The following SNTG1 variants were observed in gnomAD, a reference collection of about 807,000 sequenced individuals.
SNTG1 encodes the protein gamma-1-syntrophin.
SNTG1 carries 39 observed loss-of-function variants against 74.7 expected under a neutral mutation model. The observed-to-expected ratio is 0.52, with a 90% CI of 0.40 to 0.68. SNTG1 has a LOEUF of 0.68. Ranked by LOEUF, SNTG1 falls within the 30% of genes least tolerant of loss-of-function variation. The pLI, the probability that SNTG1 is intolerant of heterozygous loss-of-function variation, is 0.00. For synonymous variants in SNTG1, 254 were observed against 217.1 expected, an observed-to-expected ratio of 1.17 and a Z score of -1.49; for missense variants, 685 against 609.5, an observed-to-expected ratio of 1.12 and a Z score of -1.30.
intron 2 of SNTG1, among the ~76,000 whole-genome samples, chr8:50,381,592 G>GTGTATA (rs1217355515): frequency 4.1e-5 from 4 of 98,006 alleles, no homozygotes; most frequent in South Asian, 3.5e-4. Context: ...GTGTGTGTGT[G>GTGTATA]TATATATATA....
chr8:50,511,166 G>A (rs2094069639), intron 9 of SNTG1, among the ~76,000 whole-genome samples: 1 of 152,132 alleles, frequency 6.6e-6, no homozygotes, highest in Admixed American at 6.6e-5. Context: ...CCTTCATTTA[G>A]TTATATACCC....
At chr8:50,651,032 A>C (rs1296685684) in intron 13 of SNTG1, among the ~76,000 whole-genome samples, 1 of 152,266 alleles carries the variant, frequency 6.6e-6, no homozygotes, top group South Asian at 2.1e-4. Flanking sequence ...AACTTGCAAA[A>C]TATCATTTAT....
At chr8:50,440,858 G>C (rs956908331) in intron 5 of SNTG1, among the ~76,000 whole-genome samples, 27 of 152,166 alleles carry the variant, frequency 1.8e-4, no homozygotes, top group Non-Finnish European at 7.4e-5. Context: ...GCTGGACTCA[G>C]AACACATGGT....
chr8:49,933,360 A>G (rs1807767915), intron 1 of SNTG1, among the ~76,000 whole-genome samples: 1 of 152,086 alleles, frequency 6.6e-6, no homozygotes, highest in Non-Finnish European at 1.5e-5. Context: ...CGACTTTTTG[A>G]TGCTTATGAT....
intron 2 of SNTG1, among the ~76,000 whole-genome samples, chr8:50,193,643 C>T (rs757060934): frequency 7.9e-5 from 12 of 152,024 alleles, no homozygotes; most frequent in Non-Finnish European, 1.5e-4. Context: ...TCCTCTTTGC[C>T]AATGTGGATG....
At chr8:50,698,347 A>T (rs2095412123) in intron 15 of SNTG1, among the ~76,000 whole-genome samples, 1 of 152,112 alleles carries the variant, frequency 6.6e-6, no homozygotes, top group Admixed American at 6.6e-5. Context: ...CAACTTTGTC[A>T]GTAGGTTTGG....
chr8:49,962,041 G>C (rs978467840), intron 1 of SNTG1, among the ~76,000 whole-genome samples: 1 of 152,102 alleles, frequency 6.6e-6, no homozygotes, highest in African/African-American at 2.4e-5. Context: ...CTGCTCCCAG[G>C]GCCTCCCTGG....
intron 2 of SNTG1, among the ~76,000 whole-genome samples, chr8:50,381,592 GTA>G (rs55881205): frequency 0.014 from 1,394 of 98,002 alleles, 26 homozygotes; most frequent in East Asian, 0.031. Flanking sequence ...GTGTGTGTGT[GTA>G]TATATATATA....
At chr8:50,010,849 G>A (rs1815723274) in intron 1 of SNTG1, among the ~76,000 whole-genome samples, 1 of 105,250 alleles carries the variant, frequency 9.5e-6, no homozygotes, top group Non-Finnish European at 1.8e-5. Flanking sequence ...AGTTACTGTT[G>A]TTTCAGATTC....
At chr8:50,756,379 A>G (rs2095580542) in intron 18 of SNTG1, among the ~76,000 whole-genome samples, 1 of 151,818 alleles carries the variant, frequency 6.6e-6, no homozygotes, top group African/African-American at 2.4e-5. Flanking sequence ...GAGTTTTTAA[A>G]TTATTGTCTT....
At chr8:50,652,820 A>T (rs989772596) in intron 13 of SNTG1, among the ~76,000 whole-genome samples, 4 of 151,862 alleles carry the variant, frequency 2.6e-5, no homozygotes, top group African/African-American at 9.7e-5. Context: ...TAAATAAATA[A>T]ATAAATAATA....
At chr8:50,334,981 T>G (rs1000428174) in intron 2 of SNTG1, among the ~76,000 whole-genome samples, 1 of 152,226 alleles carries the variant, frequency 6.6e-6, no homozygotes, top group Non-Finnish European at 1.5e-5. Context: ...ACTATTTTTG[T>G]TCACTGTAAT....
intron 9 of SNTG1, among the ~76,000 whole-genome samples, chr8:50,509,749 G>T (rs538110406): frequency 8.8e-4 from 134 of 151,878 alleles, no homozygotes; most frequent in Non-Finnish European, 1.3e-3. Context: ...AGGCTTGTGA[G>T]TTTTGCACAT....
At chr8:50,437,572 T>G (rs761210314) in intron 4 of SNTG1, among the ~76,000 whole-genome samples, 2 of 152,182 alleles carry the variant, frequency 1.3e-5, no homozygotes, top group Non-Finnish European at 2.9e-5. Flanking sequence ...AAGAGGGCAG[T>G]ATTTACATTT....
At chr8:50,050,759 C>A (rs1819501806) in intron 1 of SNTG1, among the ~76,000 whole-genome samples, 1 of 151,846 alleles carries the variant, frequency 6.6e-6, no homozygotes. Flanking sequence ...GGTCAACATC[C>A]CATATCAATG....
At chr8:50,305,606 T>C (rs184883888) in intron 2 of SNTG1, among the ~76,000 whole-genome samples, 1 of 151,948 alleles carries the variant, frequency 6.6e-6, no homozygotes, top group East Asian at 1.9e-4. Context: ...TTTTACTTTG[T>C]TTTTGTATTT....
intron 13 of SNTG1, among the ~76,000 whole-genome samples, chr8:50,631,569 T>C (rs1462259052): frequency 6.6e-6 from 1 of 152,176 alleles, no homozygotes; most frequent in Non-Finnish European, 1.5e-5. Flanking sequence ...TGATCACATG[T>C]TATATAGGCA....
chr8:50,600,762 T>C (rs2094767213), intron 13 of SNTG1, among the ~76,000 whole-genome samples: 1 of 152,140 alleles, frequency 6.6e-6, no homozygotes, highest in African/African-American at 2.4e-5. Context: ...ATCTTTTGTA[T>C]TGTTTTATTT....
intron 17 of SNTG1, among the ~76,000 whole-genome samples, chr8:50,749,524 A>C (rs2095562478): frequency 6.6e-6 from 1 of 152,070 alleles, no homozygotes; most frequent in South Asian, 2.1e-4. Flanking sequence ...ATGCCATCTG[A>C]AACTTTCATA....
Sources: gnomAD v4.1 joint callset for allele counts (sites outside exome capture counted in the v4.1 genomes callset) on GRCh38, gnomAD v4.1.1 for gene constraint, MANE v1.5 for transcripts, NCBI Gene and HGNC (gene_info 2026-07-23, HGNC 2026-07-21) for gene names.